The following TSKS variants were observed in gnomAD, a reference collection of about 807,000 sequenced individuals.
TSKS encodes testis specific serine kinase substrate, also known as testis-specific serine kinase substrate.
A neutral mutation model predicts 68.0 loss-of-function variants in TSKS; 27 were observed. The observed-to-expected ratio is 0.40, with a 90% CI of 0.29 to 0.55. The LOEUF (loss-of-function observed/expected upper bound fraction) is 0.55, where lower values mean the gene tolerates loss of function less well. Ranked by LOEUF, TSKS falls within the 20% of genes least tolerant of loss-of-function variation. The pLI is 0.53. For synonymous variants in TSKS, 331 were observed against 340.4 expected (o/e 0.97, Z 0.30); for missense variants, 806 against 776.0 (o/e 1.04, Z -0.46).
intron 1 of TSKS, 58 bp from the exon 2 acceptor site, chr19:49,762,290 C>T: frequency 3.5e-6 from 5 of 1,413,612 alleles, no homozygotes; most frequent in Non-Finnish European, 4.9e-6. Flanking sequence ...TCTGGGCCCT[C>T]CTGCCTTCCT....
chr19:49,762,201 G>T lies in TSKS; in HGVS notation c.202C>A (p.His68Asn), dbSNP rs2084448284. The T allele has an allele frequency of 1.2e-6, 2 of 1,614,090 alleles. No individual in the cohort carries two copies. The highest frequency in any genetic ancestry group is 1.7e-6 in the Non-Finnish European group (2 of 1,180,004). ...VEPQMSHQPM[H>N]WCLNLKRSSA... ...GACCGTTTGAGGTTCAGGCACCAGT[G>T]CATGGGCTGATGGGACATCTGGGGC... is the stretch of plus-strand genomic sequence containing the variant. Residue 68 changes from histidine to asparagine, a missense_variant, in exon 2 of 11, where the codon CAC becomes AAC. Transcript: ENST00000246801.
chr19:49,751,101 C>T lies in TSKS; in HGVS notation c.400-2632G>A, dbSNP rs112021521. Among the ~76,000 whole-genome samples, 971 of 151,722 alleles carry T rather than the reference C, an allele frequency of 6.4e-3. 14 individuals are homozygous for T. Among genetic ancestry groups the T allele is most frequent in the African/African-American group, 0.022 (894 of 41,324 alleles). ...GGTGGATCACTTGAGGTCAGGAGTTCGAGACCAGCCTGACCAACGTGGTGG... is the reference window on the plus strand; with the variant it reads ...GGTGGATCACTTGAGGTCAGGAGTTTGAGACCAGCCTGACCAACGTGGTGG... On this transcript the variant is annotated intron_variant, in intron 2 of 10. Transcript: ENST00000246801.
chr19:49,761,328 G>A (rs1023151276), intron 2 of TSKS, among the ~76,000 whole-genome samples: 18 of 152,232 alleles, frequency 1.2e-4, no homozygotes, highest in African/African-American at 4.1e-4. Flanking sequence ...TGAGTTAAAG[G>A]ACCCATTTGT....
At chr19:49,746,443 G>A in intron 6 of TSKS, 27 bp downstream of exon 6, 2 of 1,610,744 alleles carry the variant, frequency 1.2e-6, no homozygotes, top group Middle Eastern at 1.7e-4. Flanking sequence ...TCTCGTTTTC[G>A]AGGCTCCGCC....
intron 6 of TSKS, 79 bp downstream of exon 6, chr19:49,746,391 C>G: frequency 6.5e-7 from 1 of 1,548,564 alleles, no homozygotes; most frequent in Non-Finnish European, 8.8e-7. Flanking sequence ...TGGGTCCCGC[C>G]CACCGCATCT....
In TSKS at chr19:49,747,455, C is replaced by A; in HGVS notation, c.597G>T (p.Val199=). The change falls in exon 5 of 11, where the codon GTG becomes GTT. Residue 199 remains valine (V), a synonymous_variant. Transcript: ENST00000246801. ...CIQLKENCWK[V]TRSVEDAEIK... is the part of the protein sequence containing the mutation. ...TTTCAGCATCTTCCACAGACCGGGT[C>A]ACCTTCCAGCAGTTCTCCTGGGTCA... The A allele has an allele frequency of 6.2e-7, 1 of 1,614,220 alleles. No homozygotes were observed. Among genetic ancestry groups the A allele is most frequent in the Non-Finnish European group, 8.5e-7 (1 of 1,180,044 alleles).
chr19:49,756,102 A>T (rs1568565944), intron 2 of TSKS, among the ~76,000 whole-genome samples: 1 of 152,200 alleles, frequency 6.6e-6, no homozygotes, highest in Non-Finnish European at 1.5e-5. Context: ...ATCCAACAGC[A>T]TGTAAAAAGG....
At chr19:49,753,919 C>G (rs1360807531) in intron 2 of TSKS, among the ~76,000 whole-genome samples, 7 of 149,330 alleles carry the variant, frequency 4.7e-5, no homozygotes, top group Admixed American at 6.7e-5. Context: ...GAGTCTCCCT[C>G]TGTCCCCCAG....
intron 2 of TSKS, among the ~76,000 whole-genome samples, chr19:49,754,927 G>A (rs1310406918): frequency 2.0e-5 from 3 of 151,952 alleles, no homozygotes; most frequent in Admixed American, 6.6e-5. Flanking sequence ...GTGAAACCCC[G>A]TCTCTACTAA....
intron 2 of TSKS, 56 bp downstream of exon 2, chr19:49,761,948 T>C: frequency 6.9e-7 from 1 of 1,456,354 alleles, no homozygotes; most frequent in South Asian, 1.2e-5. Flanking sequence ...AAGTATTTGC[T>C]ACCACCTTGT....
chr19:49,754,009 C>T (rs1215910819), intron 2 of TSKS, among the ~76,000 whole-genome samples: 1 of 149,446 alleles, frequency 6.7e-6, no homozygotes, highest in Non-Finnish European at 1.5e-5. Flanking sequence ...CTCAGCCTCC[C>T]CAGTAGCTGG....
rs751579199 is a variant in TSKS at position 49,741,999 on chromosome 19, C to G, written c.1383G>C (p.Thr461=). The part of the protein sequence containing the change: ...RCASQGSQLS[T]ESLQQLLDRA... ...GGTCCAGCAGCTGCTGCAGGGACTC[C>G]GTAGACAACTGCGACCCCTGGCTGG... is the stretch of plus-strand genomic sequence containing the variant. Residue 461 remains threonine (T), a synonymous_variant, in exon 9 of 11, where the codon ACG becomes ACC. Transcript: ENST00000246801. 2 of 1,613,954 alleles carry G rather than the reference C, an allele frequency of 1.2e-6. No individual in the cohort carries two copies. The highest frequency in any genetic ancestry group is 1.7e-5 in the Admixed American group (1 of 59,984).
Position 49,744,264 on chromosome 19 carries a change from C to A in TSKS, c.1328G>T (p.Arg443Leu). 2 of 1,613,896 alleles carry A rather than the reference C, an allele frequency of 1.2e-6. No homozygotes were observed. Among genetic ancestry groups the A allele is most frequent in the Non-Finnish European group, 1.7e-6 (2 of 1,179,820 alleles). ...GCGGGCACAGTTGCCTTGGTGGGACCGATCCAGGTTCATGGAGAGGTCAGG... is the reference window on the plus strand; with the variant it reads ...GCGGGCACAGTTGCCTTGGTGGGACAGATCCAGGTTCATGGAGAGGTCAGG... ...RGPDLSMNLD[R>L]SHQGNCARCA... The change falls in exon 8 of 11, where the codon CGG (arginine) becomes CTG (leucine). Residue 443 changes from arginine (R) to leucine (L), a missense_variant. Arg to Leu is a moderately radical substitution (Grantham distance 102). Transcript: ENST00000246801.
intron 2 of TSKS, among the ~76,000 whole-genome samples, chr19:49,760,964 T>C (rs1425186589): frequency 6.6e-6 from 1 of 152,088 alleles, no homozygotes; most frequent in Non-Finnish European, 1.5e-5. Context: ...GGCACATGCC[T>C]GTAGTCCCAG....
chr19:49,761,805 A>G (rs1021391724), intron 2 of TSKS, among the ~76,000 whole-genome samples, 199 bp downstream of exon 2: 4 of 144,320 alleles, frequency 2.8e-5, no homozygotes, highest in East Asian at 1.9e-4. Flanking sequence ...CTAAAGGAAG[A>G]AAAAAAAAAG....
intron 8 of TSKS, among the ~76,000 whole-genome samples, chr19:49,743,591 G>A (rs1221412093): frequency 8.3e-5 from 12 of 144,380 alleles, no homozygotes; most frequent in Admixed American, 7.3e-4. Flanking sequence ...TCCACCTCCC[G>A]GATTTACGCC....
At chr19:49,756,058 C>G (rs1362112919) in intron 2 of TSKS, among the ~76,000 whole-genome samples, 1 of 151,994 alleles carries the variant, frequency 6.6e-6, no homozygotes, top group Non-Finnish European at 1.5e-5. Flanking sequence ...TGAATATGGT[C>G]ACAAAAATCA....
chr19:49,746,201 A>G lies in TSKS; in HGVS notation c.992+269T>C, dbSNP rs1354531656. On this transcript the variant is annotated intron_variant, in intron 6 of 10. Coordinates refer to ENST00000246801, the MANE Select transcript of TSKS (RefSeq NM_021733.2). The stretch of plus-strand genomic sequence containing the variant: ...CGCCTCAAAAAAAACAAAACAAAAC[A>G]AAAAACGATCTTTGAGGAACCTCCC... Among the ~76,000 whole-genome samples, 22 of 151,806 alleles carry G rather than the reference A, an allele frequency of 1.4e-4. No homozygotes were observed. In the East Asian group the frequency reaches 3.9e-3, roughly 27 times the overall value.
chr19:49,748,644 C>G (rs2084323366), intron 2 of TSKS, among the ~76,000 whole-genome samples, 175 bp from the exon 3 acceptor site: 1 of 152,174 alleles, frequency 6.6e-6, no homozygotes, highest in Non-Finnish European at 1.5e-5. Flanking sequence ...CGCGGCAAAC[C>G]CAGGGCATAA....
Sources: gnomAD v4.1 joint callset for allele counts (sites outside exome capture counted in the v4.1 genomes callset) on GRCh38, gnomAD v4.1.1 for gene constraint, MANE v1.5 for transcripts, NCBI Gene and HGNC (gene_info 2026-07-23, HGNC 2026-07-21) for gene names.